Variants in TMX2 observed in about 807,000 individuals in gnomAD.
TMX2 encodes the protein thioredoxin related transmembrane protein 2.
Under a neutral mutation model 33.4 loss-of-function variants are expected in TMX2, and 20 were observed. The ratio of observed to expected loss-of-function variants is 0.60; its 90% confidence interval spans 0.42 to 0.87. The LOEUF (loss-of-function observed/expected upper bound fraction) is 0.87. TMX2 is among the 40% of genes least tolerant of loss of function. The pLI is 0.00. For synonymous variants in TMX2, 166 were observed against 140.7 expected (o/e 1.18, Z -1.27); for missense variants, 340 against 370.7 (o/e 0.92, Z 0.68).
At chr11:57,737,883 A>G in intron 2 of TMX2, 30 bp from the exon 3 acceptor site, 1 of 1,614,248 alleles carries the variant, frequency 6.2e-7, no homozygotes, top group South Asian at 1.1e-5. Context: ...TGCACAGCCC[A>G]GCCTGACCTG....
chr11:57,724,311 C>T (rs769896236), intron 1 of TMX2, among the ~76,000 whole-genome samples: 10 of 152,132 alleles, frequency 6.6e-5, no homozygotes, highest in Non-Finnish European at 1.3e-4. Flanking sequence ...CTGCCCAACT[C>T]TCCCTTTAAA....
rs773731928 is a variant in TMX2 at position 57,737,684 on chromosome 11, T to TGGA, written c.250+16_250+17insGGA. ...CGCAGATCCAGTAAGTTTAGTTCAC[T>TGGA]TCTCAGACTCAAGGTTAGATCTAAT... On this transcript the variant is annotated intron_variant, in intron 2 of 7. Transcript: ENST00000278422. 1.9e-6 allele frequency: 3 copies of TGGA among 1,612,652 alleles called. No homozygotes were observed. Among genetic ancestry groups the TGGA allele is most frequent in the Middle Eastern group, 1.6e-4 (1 of 6,062 alleles).
chr11:57,740,047 C>A, intron 7 of TMX2, 52 bp from the exon 8 acceptor site: 1 of 1,612,286 alleles, frequency 6.2e-7, no homozygotes, highest in Middle Eastern at 1.7e-4. Context: ...TTCCCAGGCT[C>A]TTTACTCTCC....
intron 1 of TMX2, among the ~76,000 whole-genome samples, chr11:57,717,029 C>T (rs1215024453): frequency 1.4e-4 from 17 of 120,708 alleles, no homozygotes; most frequent in South Asian, 8.5e-4. Flanking sequence ...CAGACGGGGT[C>T]GCGGCCGGGC....
intron 1 of TMX2, among the ~76,000 whole-genome samples, chr11:57,719,911 C>T (rs1947479844): frequency 6.6e-6 from 1 of 152,092 alleles, no homozygotes; most frequent in Non-Finnish European, 1.5e-5. Flanking sequence ...ATTTCTACTT[C>T]TTCCTTTTGC....
Position 57,736,675 on chromosome 11 carries a change from C to T in TMX2, c.190-933C>T, listed in dbSNP as rs560270545. ...GGCCGAGGCGGGCGGATCATCTGAG[C>T]TGAGGAGTTCCATACCAGCCCGGGC... On this transcript the variant is annotated intron_variant, in intron 1 of 7. Transcript: ENST00000278422. Among the ~76,000 whole-genome samples, 3 of 152,018 alleles carry T rather than the reference C, an allele frequency of 2.0e-5. No individual in the cohort carries two copies. In the South Asian group the frequency reaches 6.2e-4, roughly 32 times the overall value.
chr11:57,714,525 A>AT (rs919188105), intron 1 of TMX2, among the ~76,000 whole-genome samples: 18 of 151,274 alleles, frequency 1.2e-4, no homozygotes, highest in Non-Finnish European at 2.2e-4. Context: ...TTTTGTGGTG[A>AT]TTTTTTTTTC....
intron 6 of TMX2, 44 bp downstream of exon 6, chr11:57,739,083 TTGAG>T (rs1948926521): frequency 1.9e-6 from 3 of 1,614,072 alleles, no homozygotes; most frequent in African/African-American, 2.7e-5. Context: ...GGAAATCACT[TTGAG>T]TGATACATAC....
In TMX2 at chr11:57,737,948, T is replaced by A; in HGVS notation, c.286T>A (p.Phe96Ile). 2 of 1,614,246 alleles carry A rather than the reference T, an allele frequency of 1.2e-6. No homozygotes were observed. The highest frequency in any genetic ancestry group is 1.7e-6 in the Non-Finnish European group (2 of 1,180,018). Residue 96 changes from phenylalanine (F) to isoleucine (I), a missense_variant, in exon 3 of 8, where the codon TTT (phenylalanine) becomes ATT (isoleucine). Around this residue, in one of 3 missense-constraint regions of TMX2, gnomAD observed 25 missense variants for 46.5 expected, o/e 0.54. Coordinates refer to ENST00000278422, the MANE Select transcript of TMX2 (RefSeq NM_015959.4). ...GCAACATATAGGCAACATTTTCATG[T>A]TTAGTAAAGTGGCCAACACAATTCT... ...VEQHIGNIFM[F>I]SKVANTILFF...
At chr11:57,737,536 T>C (rs1948823968) in intron 1 of TMX2, 72 bp from the exon 2 acceptor site, 3 of 1,290,564 alleles carry the variant, frequency 2.3e-6, no homozygotes, top group Admixed American at 1.7e-5. Flanking sequence ...TTATTACATA[T>C]TTAGTTCCCT....
At chr11:57,733,247 A>ATTTTTTTTTTT (rs71061537) in intron 1 of TMX2, among the ~76,000 whole-genome samples, 1 of 74,866 alleles carries the variant, frequency 1.3e-5, no homozygotes, top group Non-Finnish European at 2.4e-5. Flanking sequence ...ACAGTGAGGA[A>ATTTTTTTTTTT]TTTTTTTTTT....
intron 1 of TMX2, among the ~76,000 whole-genome samples, chr11:57,716,462 CCGGACGGGGCGG>C (rs1947054752): frequency 7.2e-6 from 1 of 139,550 alleles, no homozygotes. Context: ...CACCTCCCTC[CCGGACGGGGCGG>C]CTGGCCGGGC....
intron 1 of TMX2, among the ~76,000 whole-genome samples, chr11:57,729,332 T>C (rs569449238): frequency 9.6e-4 from 146 of 152,298 alleles, no homozygotes; most frequent in Non-Finnish European, 1.6e-3. Context: ...TGTTTTTTTT[T>C]CTGCCTGCTT....
intron 1 of TMX2, among the ~76,000 whole-genome samples, chr11:57,732,783 T>C (rs1248405342): frequency 1.3e-5 from 2 of 152,158 alleles, no homozygotes; most frequent in Non-Finnish European, 2.9e-5. Flanking sequence ...GTGTGACTAA[T>C]TAAATCATTG....
rs1481435644 is a variant in TMX2 at position 57,716,918 on chromosome 11, C to T, written c.189+4111C>T. On this transcript the variant is annotated intron_variant, in intron 1 of 7. Transcript: ENST00000278422. ...CTCATTTCCCAGACGGGGTTGGTGC[C>T]GGGCAGAGGGGCTCCTCACTTCTCA... Among the ~76,000 whole-genome samples, 8 of 151,036 alleles carry T rather than the reference C, an allele frequency of 5.3e-5. No homozygotes were observed. The South Asian group carries it at 8.4e-4, about 16-fold the overall frequency.
chr11:57,737,132 C>G (rs1029701146), intron 1 of TMX2, among the ~76,000 whole-genome samples: 1 of 152,132 alleles, frequency 6.6e-6, no homozygotes, highest in Non-Finnish European at 1.5e-5. Context: ...GGATTAAGTG[C>G]TTTGTTGAAA....
chr11:57,734,155 TC>T (rs1948587146), intron 1 of TMX2, among the ~76,000 whole-genome samples: 1 of 53,614 alleles, frequency 1.9e-5, no homozygotes, highest in South Asian at 7.9e-4. Context: ...AGACCCTGTC[TC>T]CAAAAAAAAA....
chr11:57,735,411 A>C (rs1244216636), intron 1 of TMX2, among the ~76,000 whole-genome samples: 2 of 151,922 alleles, frequency 1.3e-5, no homozygotes, highest in African/African-American at 4.8e-5. Flanking sequence ...GGGTTTTGCC[A>C]TGTTGACCAG....
intron 1 of TMX2, among the ~76,000 whole-genome samples, chr11:57,735,644 C>G (rs917017899): frequency 2.0e-5 from 3 of 152,172 alleles, no homozygotes; most frequent in Admixed American, 2.0e-4. Flanking sequence ...TTATGCTAAG[C>G]AGGGTGGCCA....
Sources: allele counts gnomAD v4.1 joint callset (sites outside exome capture counted in the v4.1 genomes callset), GRCh38; gene constraint gnomAD v4.1.1; regional missense constraint gnomAD v4.1.1; transcripts MANE v1.5; gene names NCBI Gene and HGNC (gene_info 2026-07-23, HGNC 2026-07-21).